LRRN4: variants seen among roughly 807,000 people sequenced by gnomAD.
LRRN4 encodes the protein leucine-rich repeat neuronal protein 4.
A neutral mutation model predicts 22.3 loss-of-function variants in LRRN4; 26 were observed. That is an observed-to-expected ratio of 1.16 (90% CI 0.85 to 1.62). The LOEUF (loss-of-function observed/expected upper bound fraction) is 1.62, where lower values mean the gene tolerates loss of function less well. Ranked by LOEUF, LRRN4 falls within the 40% of genes most tolerant of loss-of-function variation. The probability of loss-of-function intolerance (pLI) is 0.00; values close to 1 mark genes in which losing one functional copy is unlikely to be tolerated. For synonymous variants in LRRN4, 496 were observed against 486.2 expected (o/e 1.02, Z -0.26); for missense variants, 1,070 against 1,008.5 (o/e 1.06, Z -0.83).
At chr20:6,044,337 T>A (rs557703616) in intron 4 of LRRN4, among the ~76,000 whole-genome samples, 51 of 152,318 alleles carry the variant, frequency 3.3e-4, no homozygotes, top group South Asian at 8.3e-4. Flanking sequence ...GGTCTGCTCC[T>A]CCATGCTCTT....
At chr20:6,049,917 C>T (rs906537130) in intron 3 of LRRN4, among the ~76,000 whole-genome samples, 1 of 152,198 alleles carries the variant, frequency 6.6e-6, no homozygotes, top group Non-Finnish European at 1.5e-5. Context: ...ACACCATCAC[C>T]ATCACTGTCA....
Position 6,041,712 on chromosome 20 carries a change from G to T in LRRN4, c.1533C>A (p.Asn511Lys), listed in dbSNP as rs1980958756. The T allele has an allele frequency of 1.9e-6, 3 of 1,613,556 alleles. No individual in the cohort carries two copies. Among genetic ancestry groups the T allele is most frequent in the Middle Eastern group, 1.7e-4 (1 of 6,058 alleles). The change falls in exon 5 of 5, where the codon AAC becomes AAA. Residue 511 changes from asparagine (N) to lysine (K), a missense_variant. Asn to Lys is a moderately conservative substitution (Grantham distance 94). Coordinates refer to ENST00000378858, the MANE Select transcript of LRRN4 (RefSeq NM_152611.5). The surrounding 1 kb of genome is among the most constrained non-coding windows in gnomAD (Gnocchi z 9.4). ...QRTHATPQAP[N>K]PSLSEGEIPV... is the part of the protein sequence containing the mutation. ...GAATCTCGCCCTCGGAAAGACTCGG[G>T]TTGGGGGCTTGGGGTGTGGCGTGTG...
In LRRN4 at chr20:6,041,867, C is replaced by G; in HGVS notation, c.1378G>C (p.Glu460Gln). The G allele has an allele frequency of 6.2e-7, 1 of 1,614,176 alleles. No homozygotes were observed. The highest frequency in any genetic ancestry group is 8.5e-7 in the Non-Finnish European group (1 of 1,180,020). The change falls in exon 5 of 5, where the codon GAA becomes CAA. Residue 460 changes from glutamate (E) to glutamine (Q), a missense_variant. Coordinates refer to ENST00000378858, the MANE Select transcript of LRRN4 (RefSeq NM_152611.5). This position sits in a 1 kb window ranked among gnomAD's most constrained non-coding sequence, Gnocchi z 9.4. ...ASTTRTQHRG[E>Q]HAPELVLEPD... is the part of the protein sequence containing the mutation. ...TCAAGGACAAGCTCGGGGGCATGTT[C>G]TCCTCGGTGCTGGGTCCTGGTGGTG...
At position 6,052,735 on chromosome 20, in the gene LRRN4, T is replaced by C; in HGVS notation, c.65A>G (p.Gln22Arg). 6.4e-7 allele frequency: 1 copy of C among 1,571,978 alleles called. No homozygotes were observed. Among genetic ancestry groups the C allele is most frequent in the South Asian group, 1.2e-5 (1 of 86,806 alleles). ...VLRPSWADPP[Q>R]EKVPLFRVTQ... ...GACCCGGAAGAGCGGGACCTTCTCC[T>C]GGGGAGGGTCTGCCCAGCTGGGGCG... The change falls in exon 2 of 5, where the codon CAG becomes CGG. Residue 22 changes from glutamine to arginine, a missense_variant. Gln to Arg is a conservative substitution (Grantham distance 43, BLOSUM62 1). Coordinates refer to ENST00000378858, the MANE Select transcript of LRRN4 (RefSeq NM_152611.5).
chr20:6,048,988 A>G (rs1884644), intron 3 of LRRN4, among the ~76,000 whole-genome samples: 50,717 of 152,154 alleles, frequency 0.33, 9,907 homozygotes, highest in East Asian at 0.5. Context: ...GACAGAGAAC[A>G]TCAAGAGGGA....
Position 6,053,070 on chromosome 20 carries a change from G to A in LRRN4, c.-5-266C>T, listed in dbSNP as rs574350196. On this transcript the variant is annotated intron_variant, in intron 1 of 4. Transcript: ENST00000378858. ...GATGCCTTTTCCTCTTCTCGTGAGA[G>A]GGAGGCCTTCTTCATCTGTCCAATC... is the stretch of plus-strand genomic sequence containing the variant. Among the ~76,000 whole-genome samples, 101 of 152,244 alleles carry A rather than the reference G, an allele frequency of 6.6e-4. 1 individual carries two copies. The highest frequency in any genetic ancestry group is 1.8e-3 in the African/African-American group (74 of 41,546).
chr20:6,051,390 A>T (rs1981242136), intron 2 of LRRN4, among the ~76,000 whole-genome samples: 1 of 152,226 alleles, frequency 6.6e-6, no homozygotes, highest in South Asian at 2.1e-4. Context: ...AACGTAATTA[A>T]GGAGGCGAGG....
rs1339192491 is a variant in LRRN4 at position 6,052,521 on chromosome 20, G to C, written c.279C>G (p.Ser93=). The stretch of plus-strand genomic sequence containing the variant: ...GCAGCTGCTCCAGGTGGCCGAGCTC[G>C]GAAGTGCTCAGGGCGCGCAGCAGGT... ...SHNLLRALST[S]ELGHLEQLQV... Residue 93 remains serine (S), a synonymous_variant, in exon 2 of 5, where the codon TCC becomes TCG. Coordinates refer to ENST00000378858, the MANE Select transcript of LRRN4 (RefSeq NM_152611.5). 2 of 1,586,626 alleles carry C rather than the reference G, an allele frequency of 1.3e-6. No homozygotes were observed. Among genetic ancestry groups the C allele is most frequent in the Non-Finnish European group, 8.5e-7 (1 of 1,174,546 alleles).
rs948413047 is a variant in LRRN4, at chr20:6,052,325, G to T, written c.475C>A (p.Arg159=). 5 of 1,513,774 alleles carry T rather than the reference G, an allele frequency of 3.3e-6. No individual in the cohort carries two copies. The South Asian group carries it at 6.2e-5, about 19-fold the overall frequency. The allele number at this position is 1,513,774 out of a possible 1,614,324, so 93.8% of individuals were successfully genotyped here. A position where few individuals can be genotyped will look rare whatever the true frequency, so the allele number is the denominator to read the frequency against. Residue 159 remains arginine (R), a synonymous_variant, in exon 2 of 5, where the codon CGG becomes AGG. Coordinates refer to ENST00000378858, the MANE Select transcript of LRRN4 (RefSeq NM_152611.5). ...RALALAGNPL[R]ALQPRAFACF... The stretch of plus-strand genomic sequence containing the variant: ...GCGAAGGCCCGGGGCTGCAGCGCCC[G>T]CAGCGGATTCCCGGCGAGCGCCAGG...
Position 6,052,580 on chromosome 20 carries a change from G to C in LRRN4, c.220C>G (p.Pro74Ala). The C allele has an allele frequency of 6.3e-7, 1 of 1,582,450 alleles. No individual in the cohort carries two copies. Among genetic ancestry groups the C allele is most frequent in the Non-Finnish European group, 8.5e-7 (1 of 1,172,654 alleles). Residue 74 changes from proline to alanine, a missense_variant, in exon 2 of 5, where the codon CCG becomes GCG. Coordinates refer to ENST00000378858, the MANE Select transcript of LRRN4 (RefSeq NM_152611.5). ...GCGTCGAGGCTGCGCAGTGTGCGCG[G>C]TAGGCAGCCGGGCAGGCGCTCCAGG... ...RNLERLPGCL[P>A]RTLRSLDASH...
chr20:6,046,796 C>CATATGTGCATATACAAGTGTAT (rs1409433863), intron 3 of LRRN4, among the ~76,000 whole-genome samples: 1 of 148,816 alleles, frequency 6.7e-6, no homozygotes, highest in South Asian at 2.1e-4. Flanking sequence ...AAACTTAAGC[C>CATATGTGCATATACAAGTGTAT]ATATGTGCAT....
chr20:6,052,391 G>C lies in LRRN4; in HGVS notation c.409C>G (p.Leu137Val). Residue 137 changes from leucine (L) to valine (V), a missense_variant, in exon 2 of 5, where the codon CTG becomes GTG. Transcript: ENST00000378858. ...LDLSYNQLAA[L>V]PPCTGPALSS... ...AGCGCGGGCCCGGTGCACGGCGGCA[G>C]AGCGGCCAGCTGGTTGTAGCTGAGG... is the stretch of plus-strand genomic sequence containing the variant. 1 of 1,528,134 alleles carries C rather than the reference G, an allele frequency of 6.5e-7. No individual in the cohort carries two copies. The highest frequency in any genetic ancestry group is 8.7e-7 in the Non-Finnish European group (1 of 1,147,066). 94.7% of individuals were successfully genotyped at this position (1,528,134 alleles called of 1,614,324 possible).
In LRRN4 at chr20:6,042,385, C is replaced by T. The variant is rs553659981; in HGVS notation, c.999-139G>A. On this transcript the variant is annotated intron_variant, in intron 4 of 4. Transcript: ENST00000378858. ...GCCAGGCACCCCAGGGCACACACGC[C>T]GCACACACACATCACCTCATTGATT... 8.2e-4 allele frequency: 736 copies of T among 897,214 alleles called. 2 individuals are homozygous for T. In the African/African-American group the frequency reaches 9.6e-3, roughly 12 times the overall value. The allele number at this position is 897,214 out of a possible 1,614,324, so 55.6% of individuals were successfully genotyped here.
rs1980974213 is a variant in LRRN4, at chr20:6,042,007, C to T, written c.1238G>A (p.Gly413Asp). Residue 413 changes from glycine (G) to aspartate (D), a missense_variant, in exon 5 of 5, where the codon GGC (glycine) becomes GAC (aspartate). Gly to Asp is a moderately conservative substitution (Grantham distance 94, BLOSUM62 -1). Coordinates refer to ENST00000378858, the MANE Select transcript of LRRN4 (RefSeq NM_152611.5). ...CGGCCATGCAGCTATCGTGCGAGAG[C>T]CCACGTTAGGGGCCTTGGAGACACT... ...QQSVSKAPNVGSRTIAAWPHS... is the reference protein window; with the variant it reads ...QQSVSKAPNVDSRTIAAWPHS... The T allele has an allele frequency of 6.2e-7, 1 of 1,613,898 alleles. No homozygotes were observed. The highest frequency in any genetic ancestry group is 8.5e-7 in the Non-Finnish European group (1 of 1,179,994).
In LRRN4 at chr20:6,053,598, TG is replaced by T. The variant is rs984953595; in HGVS notation, c.-6+231del. 2.6e-5 allele frequency among the ~76,000 whole-genome samples: 4 copies of T among 152,070 alleles called. No individual in the cohort carries two copies. In the East Asian group the frequency reaches 7.8e-4, roughly 30 times the overall value. On this transcript the variant is annotated intron_variant, in intron 1 of 4. Coordinates refer to ENST00000378858, the MANE Select transcript of LRRN4 (RefSeq NM_152611.5). ...CGGCAGCCATGGGCTAGCTTGGGAG[TG>T]GCAAAGATACCGTTAACCATGCCCT...
rs1220755923 is a variant in LRRN4, at chr20:6,040,685, TC to T, written c.*336del. 2 of 256,054 alleles carry T rather than the reference TC, an allele frequency of 7.8e-6. No individual in the cohort carries two copies. The highest frequency in any genetic ancestry group is 4.6e-5 in the African/African-American group (2 of 43,830). 15.9% of individuals were successfully genotyped at this position (256,054 alleles called of 1,614,324 possible). On this transcript the variant is annotated 3_prime_UTR_variant, in exon 5 of 5. Transcript: ENST00000378858. ...TGGGTTATGCAACTTCTCTGTTTCA[TC>T]CCTTCCTACGTCCATACACTATTCT...
chr20:6,043,704 G>A (rs1981026492), intron 4 of LRRN4, among the ~76,000 whole-genome samples: 1 of 152,080 alleles, frequency 6.6e-6, no homozygotes, highest in Non-Finnish European at 1.5e-5. Flanking sequence ...CCAGGAGTTT[G>A]AGAACAGCCT....
chr20:6,052,111 A>C, intron 2 of LRRN4, 34 bp downstream of exon 2: 11 of 1,556,472 alleles, frequency 7.1e-6, no homozygotes, highest in Non-Finnish European at 9.5e-6. Flanking sequence ...CTCTGCGCTC[A>C]GGCCGGCTGA....
rs138678786 is a variant in LRRN4, at chr20:6,045,611, G to T, written c.861-931C>A. Among the ~76,000 whole-genome samples, 166 of 149,268 alleles carry T rather than the reference G, an allele frequency of 1.1e-3. 11 individuals carry two copies. Among genetic ancestry groups the T allele is most frequent in the Non-Finnish European group, 2.0e-3 (133 of 66,626 alleles). The stretch of plus-strand genomic sequence containing the variant: ...GACACTCAACACCAGTCCTTTGGAA[G>T]ATGCCTCATTTAAGTGCATCAGTGA... On this transcript the variant is annotated intron_variant, in intron 3 of 4. Transcript: ENST00000378858.
Sources: gnomAD v4.1 joint callset for allele counts (sites outside exome capture counted in the v4.1 genomes callset) on GRCh38, gnomAD v4.1.1 for gene constraint, Gnocchi (gnomAD v3.1) non-coding constraint, MANE v1.5 for transcripts, NCBI Gene and HGNC (gene_info 2026-07-23, HGNC 2026-07-21) for gene names.